The following FAF1 variants were observed in gnomAD, a reference collection of about 807,000 sequenced individuals.
FAF1 encodes FAS-associated factor 1.
Under a neutral mutation model 92.5 loss-of-function variants are expected in FAF1, and 25 were observed. That is an observed-to-expected ratio of 0.27 (90% CI 0.20 to 0.38). The LOEUF (loss-of-function observed/expected upper bound fraction) is 0.38. FAF1 is among the 10% of genes least tolerant of loss of function. The probability of loss-of-function intolerance (pLI) is 1.00; values close to 1 mark genes in which losing one functional copy is unlikely to be tolerated. For missense variants in FAF1, 636 were observed against 793.3 expected (o/e 0.80, Z 2.38); for synonymous variants, 234 against 273.2 (o/e 0.86, Z 1.42).
At chr1:50,777,861 A>G (rs557965233) in intron 4 of FAF1, among the ~76,000 whole-genome samples, 1 of 152,298 alleles carries the variant, frequency 6.6e-6, no homozygotes, top group Admixed American at 6.5e-5. Flanking sequence ...CTACTGGTGG[A>G]AGTAAATTGG....
chr1:50,561,900 G>A (rs1037253910), intron 13 of FAF1, among the ~76,000 whole-genome samples: 2 of 118,746 alleles, frequency 1.7e-5, no homozygotes, highest in Non-Finnish European at 3.9e-5. Context: ...GAAGGAAGTT[G>A]TGTAAACCAA....
chr1:50,941,989 A>G (rs1194650072), intron 1 of FAF1, among the ~76,000 whole-genome samples: 1 of 152,222 alleles, frequency 6.6e-6, no homozygotes, highest in Non-Finnish European at 1.5e-5. Flanking sequence ...ATGTGGATAT[A>G]TAAGGTCATA....
intron 13 of FAF1, among the ~76,000 whole-genome samples, chr1:50,556,238 CAAAAAAAAAAAAA>C (rs34420030): frequency 1.4e-5 from 1 of 73,804 alleles, no homozygotes; most frequent in African/African-American, 5.2e-5. Context: ...ACTCCATCTC[CAAAAAAAAAAAAA>C]AAAAAAAAAG....
chr1:50,759,720 T>C (rs1004134828), intron 4 of FAF1, among the ~76,000 whole-genome samples: 1 of 152,170 alleles, frequency 6.6e-6, no homozygotes, highest in Non-Finnish European at 1.5e-5. Context: ...CCCTGAGGAA[T>C]TGCCACACTG....
At position 50,661,221 on chromosome 1, in the gene FAF1, A is replaced by T. The variant is rs528113455; in HGVS notation, c.658-5693T>A. Among the ~76,000 whole-genome samples the T allele has an allele frequency of 1.8e-4, 28 of 152,338 alleles. No individual in the cohort carries two copies. The South Asian group carries it at 4.6e-3, about 25-fold the overall frequency. ...CCCTTATGAGATCTCATTTAAAAAT[A>T]AAGCCTGTCACACTGGTTTCCCAGA... On this transcript the variant is annotated intron_variant, in intron 7 of 18. Coordinates refer to ENST00000396153, the MANE Select transcript of FAF1 (RefSeq NM_007051.3).
In FAF1 at chr1:50,875,595, G is replaced by A. The variant is rs183380537; in HGVS notation, c.46-17598C>T. 4.7e-4 allele frequency among the ~76,000 whole-genome samples: 72 copies of A among 152,166 alleles called. No individual in the cohort carries two copies. The East Asian group carries it at 7.1e-3, about 15-fold the overall frequency. On this transcript the variant is annotated intron_variant, in intron 1 of 18. Coordinates refer to ENST00000396153, the MANE Select transcript of FAF1 (RefSeq NM_007051.3). ...AGCCTCCCAAGCAGCTGAGATTACA[G>A]GCACTTGCCACCATGCCCAACTAAT... is the stretch of plus-strand genomic sequence containing the variant.
chr1:50,527,811 G>GTCTCTCTCTCTCTCTCTCTCTCTCTC (rs9326017), intron 15 of FAF1, among the ~76,000 whole-genome samples: 1 of 75,316 alleles, frequency 1.3e-5, no homozygotes, highest in Non-Finnish European at 2.4e-5. Context: ...TTACTCTGCT[G>GTCTCTCTCTCTCTCTCTCTCTCTCTC]TCTCTCTCTC....
intron 2 of FAF1, among the ~76,000 whole-genome samples, chr1:50,804,964 C>A (rs1480378107): frequency 1.3e-5 from 2 of 152,144 alleles, no homozygotes; most frequent in Non-Finnish European, 2.9e-5. Flanking sequence ...TCAATAAGAT[C>A]TGGACTGTAG....
intron 6 of FAF1, among the ~76,000 whole-genome samples, chr1:50,738,192 C>T (rs943998546): frequency 6.6e-5 from 10 of 151,928 alleles, no homozygotes; most frequent in African/African-American, 1.9e-4. Context: ...GCCTGTAATC[C>T]CAGCACTTTG....
intron 3 of FAF1, among the ~76,000 whole-genome samples, chr1:50,800,985 T>A (rs1050758255): frequency 6.6e-6 from 1 of 152,202 alleles, no homozygotes; most frequent in Non-Finnish European, 1.5e-5. Flanking sequence ...AACCAGAGTC[T>A]CCAATTTTAA....
intron 1 of FAF1, among the ~76,000 whole-genome samples, chr1:50,895,848 A>C (rs976025060): frequency 3.9e-5 from 6 of 152,100 alleles, no homozygotes; most frequent in African/African-American, 1.5e-4. Context: ...ACATCCCTTC[A>C]TGATTTTAAA....
intron 12 of FAF1, among the ~76,000 whole-genome samples, chr1:50,570,596 A>G (rs969417483): frequency 1.3e-5 from 2 of 152,338 alleles, no homozygotes; most frequent in African/African-American, 4.8e-5. Context: ...AGAGTATCAC[A>G]AGAGAATCTT....
rs538253994 is a variant in FAF1 at position 50,683,249 on chromosome 1, G to A, written c.657+22537C>T. ...TGACTCTTAACATTATACCTCGGCC[G>A]GGTGTGGTGGCTCACGCCTGTAATC... On this transcript the variant is annotated intron_variant, in intron 7 of 18. Transcript: ENST00000396153. Among the ~76,000 whole-genome samples, 64 of 152,180 alleles carry A rather than the reference G, an allele frequency of 4.2e-4. 2 individuals are homozygous for A. The South Asian group carries it at 0.011, about 27-fold the overall frequency.
At chr1:50,446,484 TA>T (rs2148975898) in intron 18 of FAF1, among the ~76,000 whole-genome samples, 1 of 152,270 alleles carries the variant, frequency 6.6e-6, no homozygotes, top group African/African-American at 2.4e-5. Context: ...TCCAAACTCT[TA>T]AAAAATCCAA....
In FAF1 at chr1:50,510,193, T is replaced by A. The variant is rs552895006; in HGVS notation, c.1495-18392A>T. On this transcript the variant is annotated intron_variant, in intron 15 of 18. Transcript: ENST00000396153. ...AAAAAAAAAAAAAAAAATTTAAATTTAAAACTCCAGTAACTAGATTAACAG... is the reference window on the plus strand; with the variant it reads ...AAAAAAAAAAAAAAAAATTTAAATTAAAAACTCCAGTAACTAGATTAACAG... 1.9e-4 allele frequency among the ~76,000 whole-genome samples: 29 copies of A among 151,604 alleles called. No individual in the cohort carries two copies. The South Asian group carries it at 4.8e-3, about 25-fold the overall frequency.
At chr1:50,731,200 C>A (rs1416395705) in intron 6 of FAF1, among the ~76,000 whole-genome samples, 2 of 152,204 alleles carry the variant, frequency 1.3e-5, no homozygotes, top group South Asian at 4.2e-4. Flanking sequence ...GACAACTAGG[C>A]TTTAGGCTGT....
intron 2 of FAF1, among the ~76,000 whole-genome samples, chr1:50,827,978 T>A (rs573083171): frequency 6.6e-6 from 1 of 152,300 alleles, no homozygotes; most frequent in Admixed American, 6.5e-5. Flanking sequence ...AATCCTGGAA[T>A]ATTTTTTGAG....
At chr1:50,888,221 G>T (rs1570103119) in intron 1 of FAF1, among the ~76,000 whole-genome samples, 1 of 152,170 alleles carries the variant, frequency 6.6e-6, no homozygotes, top group Admixed American at 6.5e-5. Flanking sequence ...TTTGCACATT[G>T]ATTTTGTATC....
At chr1:50,571,379 T>A (rs887175139) in intron 12 of FAF1, among the ~76,000 whole-genome samples, 4 of 152,174 alleles carry the variant, frequency 2.6e-5, no homozygotes, top group Non-Finnish European at 5.9e-5. Flanking sequence ...GTTCTGCCAT[T>A]TAGCAGCTGT....
Sources: gnomAD v4.1 joint callset for allele counts (sites outside exome capture counted in the v4.1 genomes callset) on GRCh38, gnomAD v4.1.1 for gene constraint, MANE v1.5 for transcripts, NCBI Gene and HGNC (gene_info 2026-07-23, HGNC 2026-07-21) for gene names.